The following TRPM3 variants were observed in gnomAD, a reference collection of about 807,000 sequenced individuals.
The protein encoded by TRPM3 is long transient receptor potential channel 3.
TRPM3 carries 77 observed loss-of-function variants against 181.2 expected under a neutral mutation model. The observed-to-expected ratio is 0.42, with a 90% CI of 0.35 to 0.51. The LOEUF (loss-of-function observed/expected upper bound fraction) is 0.51. TRPM3 is among the 20% of genes least tolerant of loss of function. The probability of loss-of-function intolerance (pLI) is 0.01; values close to 1 mark genes in which losing one functional copy is unlikely to be tolerated. For missense variants in TRPM3, 1,759 were observed against 2,196.7 expected (o/e 0.80, Z 3.98); for synonymous variants, 745 against 796.4 (o/e 0.94, Z 1.09).
rs78073587 is a variant in TRPM3, at chr9:71,269,054, G to A, written c.183+177599C>T. 1.2e-3 allele frequency among the ~76,000 whole-genome samples: 185 copies of A among 152,268 alleles called. 1 individual carries two copies. In the Middle Eastern group the frequency reaches 0.024, roughly 20 times the overall value. On this transcript the variant is annotated intron_variant, in intron 1 of 24. Coordinates refer to the TRPM3 transcript ENST00000357533. ...CATAGCAAGTACACGGGGGCGGGCA[G>A]AGGTAGCGAGTGAACCAAGATACAG...
intron 24 of TRPM3, among the ~76,000 whole-genome samples, chr9:70,550,265 G>T (rs1417871737): frequency 1.3e-5 from 2 of 152,152 alleles, no homozygotes; most frequent in African/African-American, 4.8e-5. Context: ...ACATGTGGTT[G>T]CTTCTTTCTA....
At chr9:70,614,782 T>C (rs2062526917) in intron 18 of TRPM3, among the ~76,000 whole-genome samples, 1 of 152,182 alleles carries the variant, frequency 6.6e-6, no homozygotes, top group African/African-American at 2.4e-5. Context: ...ACAGAGCACA[T>C]GTTCAGCTGA....
intron 25 of TRPM3, among the ~76,000 whole-genome samples, chr9:70,540,106 G>GGTAT (rs1185455749): frequency 1.3e-5 from 2 of 152,140 alleles, no homozygotes; most frequent in African/African-American, 2.4e-5. Flanking sequence ...CCAAAGTGCT[G>GGTAT]GTATTACAGG....
intron 7 of TRPM3, chr9:70,776,473 G>A: frequency 1.4e-6 from 1 of 694,772 alleles, no homozygotes; most frequent in South Asian, 1.5e-5. Flanking sequence ...TTTTAGATTG[G>A]TTATATATTT....
intron 1 of TRPM3, among the ~76,000 whole-genome samples, chr9:70,948,283 AATT>A (rs1225085710): frequency 6.0e-5 from 9 of 149,398 alleles, no homozygotes; most frequent in African/African-American, 2.3e-4. Flanking sequence ...CTCAAATATA[AATT>A]ATTATTATTT....
At chr9:71,349,255 T>C (rs1247682881) in intron 1 of TRPM3, among the ~76,000 whole-genome samples, 2 of 152,354 alleles carry the variant, frequency 1.3e-5, no homozygotes, top group South Asian at 2.1e-4. Context: ...ATAATTTAAA[T>C]CAGTCTTTGA....
chr9:70,656,887 C>T (rs1406104117), intron 9 of TRPM3, among the ~76,000 whole-genome samples: 5 of 149,886 alleles, frequency 3.3e-5, no homozygotes, highest in Non-Finnish European at 7.4e-5. Context: ...TAAAATGAAC[C>T]AGGAAATAAG....
At chr9:70,637,068 C>T (rs374663456) in intron 11 of TRPM3, among the ~76,000 whole-genome samples, 14 of 152,116 alleles carry the variant, frequency 9.2e-5, no homozygotes, top group Admixed American at 3.3e-4. Context: ...TGTGGACGTG[C>T]CCATCAGAGC....
chr9:71,358,271 T>C (rs1456256139), intron 1 of TRPM3, among the ~76,000 whole-genome samples: 1 of 152,194 alleles, frequency 6.6e-6, no homozygotes, highest in African/African-American at 2.4e-5. Flanking sequence ...TTTGGTTTTA[T>C]CTATAAATAA....
intron 1 of TRPM3, among the ~76,000 whole-genome samples, chr9:71,066,776 T>G (rs1313877206): frequency 1.3e-5 from 2 of 152,182 alleles, no homozygotes; most frequent in Admixed American, 1.3e-4. Flanking sequence ...TCAGACCACC[T>G]TTTCCTATGT....
intron 1 of TRPM3, among the ~76,000 whole-genome samples, chr9:70,972,221 T>G (rs981189068): frequency 6.6e-6 from 1 of 152,186 alleles, no homozygotes; most frequent in African/African-American, 2.4e-5. Context: ...CAACGAAATA[T>G]TATTCAGCCA....
At chr9:70,742,735 T>C (rs538853117) in intron 8 of TRPM3, among the ~76,000 whole-genome samples, 2 of 152,312 alleles carry the variant, frequency 1.3e-5, no homozygotes, top group South Asian at 2.1e-4. Flanking sequence ...AAATAACACA[T>C]ACATAGTAAC....
chr9:71,139,823 A>C (rs2074990803), intron 1 of TRPM3, among the ~76,000 whole-genome samples: 1 of 152,198 alleles, frequency 6.6e-6, no homozygotes, highest in South Asian at 2.1e-4. Context: ...TGCTTCTGCT[A>C]GAGAAGCTAA....
At chr9:70,754,192 G>A (rs1277823954) in intron 8 of TRPM3, among the ~76,000 whole-genome samples, 1 of 152,080 alleles carries the variant, frequency 6.6e-6, no homozygotes, top group Non-Finnish European at 1.5e-5. Context: ...TAAGGCTCTT[G>A]GTTTCTATGC....
intron 1 of TRPM3, among the ~76,000 whole-genome samples, chr9:71,078,194 T>C (rs1355069959): frequency 6.6e-6 from 1 of 152,178 alleles, no homozygotes; most frequent in Non-Finnish European, 1.5e-5. Context: ...CTTTAGATGA[T>C]TTGTTACATA....
At chr9:71,344,596 A>C (rs1378684478) in intron 1 of TRPM3, among the ~76,000 whole-genome samples, 1 of 152,248 alleles carries the variant, frequency 6.6e-6, no homozygotes, top group Non-Finnish European at 1.5e-5. Flanking sequence ...AATAATAGCA[A>C]TACAGTGGAC....
intron 1 of TRPM3, among the ~76,000 whole-genome samples, chr9:71,053,635 T>A (rs1045490502): frequency 6.6e-6 from 1 of 152,106 alleles, no homozygotes; most frequent in African/African-American, 2.4e-5. Context: ...TTTCATAAAA[T>A]GTAAAAATAC....
intron 24 of TRPM3, among the ~76,000 whole-genome samples, chr9:70,552,035 T>C (rs2046584338): frequency 6.6e-6 from 1 of 152,194 alleles, no homozygotes; most frequent in Admixed American, 6.5e-5. Flanking sequence ...CAGAGGGAAG[T>C]AGACTCCTGG....
chr9:70,612,233 G>A (rs936682582), intron 18 of TRPM3, among the ~76,000 whole-genome samples: 8 of 152,156 alleles, frequency 5.3e-5, no homozygotes, highest in Admixed American at 3.9e-4. Flanking sequence ...ATAATTTCTT[G>A]ACTTTAATTC....
Sources: allele counts gnomAD v4.1 joint callset (sites outside exome capture counted in the v4.1 genomes callset), GRCh38; gene constraint gnomAD v4.1.1; transcripts MANE v1.5; gene names NCBI Gene and HGNC (gene_info 2026-07-23, HGNC 2026-07-21).